The following GPC5 variants were observed in gnomAD, a reference collection of about 807,000 sequenced individuals.
GPC5 encodes the protein glypican 5, also known as glypican-5.
In GPC5, 47 loss-of-function variants were observed where a neutral mutation model predicts 53.9. The observed-to-expected ratio is 0.87, with a 90% CI of 0.69 to 1.11. GPC5 has a LOEUF of 1.11. GPC5 is among the 50% of genes most tolerant of loss of function. GPC5 has a pLI of 0.00. For missense variants in GPC5, 748 were observed against 713.1 expected (o/e 1.05, Z -0.56); for synonymous variants, 286 against 263.3 (o/e 1.09, Z -0.84).
At chr13:91,937,413 G>T (rs972766944) in intron 6 of GPC5, among the ~76,000 whole-genome samples, 1 of 151,998 alleles carries the variant, frequency 6.6e-6, no homozygotes. Context: ...ACAGAAGAGC[G>T]AGTTGGAGGT....
intron 7 of GPC5, among the ~76,000 whole-genome samples, chr13:92,840,112 T>C (rs201997755): frequency 8.4e-5 from 8 of 95,766 alleles, no homozygotes; most frequent in South Asian, 8.2e-4. Context: ...TATATATATA[T>C]ATATATATAT....
At chr13:92,129,088 A>AT (rs781362939) in intron 6 of GPC5, among the ~76,000 whole-genome samples, 1 of 152,318 alleles carries the variant, frequency 6.6e-6, no homozygotes, top group Non-Finnish European at 1.5e-5. Context: ...CATTTCTAAG[A>AT]TTTTGAAGCT....
intron 7 of GPC5, among the ~76,000 whole-genome samples, chr13:92,449,943 C>T (rs2139397350): frequency 6.6e-6 from 1 of 151,836 alleles, no homozygotes; most frequent in East Asian, 1.9e-4. Flanking sequence ...TTCTTTCAAC[C>T]CTTTAAAAAA....
At chr13:92,047,806 TA>T (rs35020183) in intron 6 of GPC5, among the ~76,000 whole-genome samples, 1,050 of 98,776 alleles carry the variant, frequency 0.011, 11 homozygotes, top group East Asian at 0.025. Flanking sequence ...CTGTCTCTAC[TA>T]AAAAAAAAAA....
chr13:92,376,387 C>T (rs1352765367), intron 7 of GPC5, among the ~76,000 whole-genome samples: 4 of 152,100 alleles, frequency 2.6e-5, no homozygotes, highest in Non-Finnish European at 5.9e-5. Context: ...GGTAGGAGTG[C>T]ATGTAAAGAT....
At chr13:91,612,397 A>T (rs921697247) in intron 2 of GPC5, among the ~76,000 whole-genome samples, 2 of 152,332 alleles carry the variant, frequency 1.3e-5, no homozygotes, top group African/African-American at 4.8e-5. Context: ...TTAGATTTTG[A>T]TAAGTTTTCC....
chr13:91,938,812 A>AT (rs2039897256), intron 6 of GPC5, among the ~76,000 whole-genome samples: 2 of 152,286 alleles, frequency 1.3e-5, no homozygotes, highest in South Asian at 4.1e-4. Context: ...TATTAAATAC[A>AT]TATTGGTATA....
intron 7 of GPC5, among the ~76,000 whole-genome samples, chr13:92,731,338 A>T (rs1273005559): frequency 1.3e-5 from 2 of 151,566 alleles, no homozygotes; most frequent in East Asian, 1.9e-4. Flanking sequence ...ATTTAATAAA[A>T]CAAAAATACA....
At chr13:91,902,539 A>G (rs1225969227) in intron 5 of GPC5, among the ~76,000 whole-genome samples, 1 of 152,018 alleles carries the variant, frequency 6.6e-6, no homozygotes. Context: ...TTACTTCCCC[A>G]ACAAAAAATC....
intron 2 of GPC5, among the ~76,000 whole-genome samples, chr13:91,630,670 C>A (rs542757278): frequency 1.3e-5 from 2 of 152,046 alleles, no homozygotes; most frequent in South Asian, 2.1e-4. Context: ...AATGGAGAAG[C>A]CTCTTTGGGC....
chr13:92,692,569 T>C (rs1887432031), intron 7 of GPC5, among the ~76,000 whole-genome samples: 1 of 149,088 alleles, frequency 6.7e-6, no homozygotes, highest in East Asian at 2.1e-4. Context: ...TTGGGAGATA[T>C]ACCTAATGCT....
chr13:92,829,528 C>T (rs2138819447), intron 7 of GPC5, among the ~76,000 whole-genome samples: 1 of 152,188 alleles, frequency 6.6e-6, no homozygotes, highest in East Asian at 1.9e-4. Flanking sequence ...TTCTGCAGAA[C>T]AAAATCATAT....
chr13:91,418,685 A>G (rs1375943159), intron 1 of GPC5, among the ~76,000 whole-genome samples: 1 of 152,208 alleles, frequency 6.6e-6, no homozygotes, highest in Non-Finnish European at 1.5e-5. Flanking sequence ...CAAGAGCAGT[A>G]GAAAGCCCTG....
chr13:92,858,438 C>T (rs936101541), intron 7 of GPC5, among the ~76,000 whole-genome samples: 3 of 152,102 alleles, frequency 2.0e-5, no homozygotes, highest in African/African-American at 7.2e-5. Context: ...GTATGTCTTC[C>T]TTAGCAGCAT....
intron 7 of GPC5, among the ~76,000 whole-genome samples, chr13:92,350,529 T>C (rs1361443365): frequency 6.6e-6 from 1 of 152,170 alleles, no homozygotes; most frequent in Admixed American, 6.5e-5. Context: ...TTACAGAGAT[T>C]GGAGGCTGGG....
chr13:91,746,257 T>C (rs973161123), intron 4 of GPC5, among the ~76,000 whole-genome samples: 2 of 152,190 alleles, frequency 1.3e-5, no homozygotes, highest in Non-Finnish European at 2.9e-5. Context: ...ATTTGACCTT[T>C]GTTCTACAGA....
chr13:92,617,740 A>C (rs1884740680), intron 7 of GPC5, among the ~76,000 whole-genome samples: 2 of 152,242 alleles, frequency 1.3e-5, no homozygotes, highest in Non-Finnish European at 2.9e-5. Flanking sequence ...GACTGGTAGT[A>C]ACATAACAAT....
intron 7 of GPC5, among the ~76,000 whole-genome samples, chr13:92,757,554 A>T (rs900704329): frequency 4.6e-5 from 7 of 152,100 alleles, no homozygotes; most frequent in African/African-American, 1.4e-4. Flanking sequence ...AACCTACAAA[A>T]TGGGAGAAAA....
At chr13:92,479,423 G>T (rs535105397) in intron 7 of GPC5, among the ~76,000 whole-genome samples, 1 of 152,304 alleles carries the variant, frequency 6.6e-6, no homozygotes, top group East Asian at 1.9e-4. Flanking sequence ...GATTTTCACT[G>T]CATGTAGCTT....
Sources: allele counts gnomAD v4.1 joint callset (sites outside exome capture counted in the v4.1 genomes callset), GRCh38; gene constraint gnomAD v4.1.1; transcripts MANE v1.5; gene names NCBI Gene and HGNC (gene_info 2026-07-23, HGNC 2026-07-21).